Variants in ALDH1L1 observed in about 807,000 individuals in gnomAD.
ALDH1L1 encodes aldehyde dehydrogenase 1 family member L1.
ALDH1L1 carries 68 observed loss-of-function variants against 101.1 expected under a neutral mutation model. The ratio of observed to expected loss-of-function variants is 0.67; its 90% CI spans 0.55 to 0.82. The LOEUF is 0.82. ALDH1L1 is among the 40% of genes least tolerant of loss of function. ALDH1L1 has a pLI of 0.00. For synonymous variants in ALDH1L1, 486 were observed against 470.8 expected (o/e 1.03, Z -0.42); for missense variants, 1,087 against 1,172.7 (o/e 0.93, Z 1.07).
chr3:126,157,482 C>T lies in ALDH1L1; in HGVS notation c.389G>A (p.Gly130Glu). 1 of 1,614,046 alleles carries T rather than the reference C, an allele frequency of 6.2e-7. No homozygotes were observed. The highest frequency in any genetic ancestry group is 1.1e-5 in the South Asian group (1 of 91,048). The change falls in exon 4 of 23, where the codon GGG (glycine) becomes GAG (glutamate). Residue 130 changes from glycine to glutamate, a missense_variant. By Grantham distance (98) the Gly-to-Glu change is moderately conservative. Coordinates refer to ENST00000393434, the MANE Select transcript of ALDH1L1 (RefSeq NM_012190.4). The stretch of plus-strand genomic sequence containing the variant: ...ATCCGCCCAGAAGATGGAAAACCCC[C>T]CTTTCTTATCTCCGTGAATGAGGGT... ...NWTLIHGDKK[G>E]GFSIFWADDG...
intron 1 of ALDH1L1, among the ~76,000 whole-genome samples, chr3:126,166,645 C>A (rs547097005): frequency 4.0e-5 from 6 of 151,870 alleles, no homozygotes; most frequent in Admixed American, 2.0e-4. Context: ...CCATGTTTTT[C>A]AAAATAAATT....
intron 11 of ALDH1L1, 104 bp downstream of exon 11, chr3:126,136,660 A>G: frequency 2.0e-6 from 3 of 1,497,688 alleles, no homozygotes; most frequent in Non-Finnish European, 2.7e-6. Context: ...CACATGTCCA[A>G]GCAGAGACTC....
chr3:126,130,331 G>A, intron 13 of ALDH1L1, 38 bp from the exon 14 acceptor site: 1 of 1,547,880 alleles, frequency 6.5e-7, no homozygotes, highest in Non-Finnish European at 8.7e-7. Context: ...AGGGGCCCAG[G>A]GTCCACACCC....
chr3:126,113,227 C>A (rs764973696), intron 18 of ALDH1L1, among the ~76,000 whole-genome samples: 19 of 152,182 alleles, frequency 1.2e-4, no homozygotes, highest in Non-Finnish European at 2.4e-4. Context: ...CTCACTGGGG[C>A]GGCCCAGGAG....
At chr3:126,121,663 A>G (rs1339187003) in intron 16 of ALDH1L1, among the ~76,000 whole-genome samples, 2 of 152,224 alleles carry the variant, frequency 1.3e-5, no homozygotes, top group East Asian at 1.9e-4. Context: ...TTCTAAGGGC[A>G]TACGACAAAT....
At chr3:126,113,765 G>A (rs1190831179) in intron 18 of ALDH1L1, among the ~76,000 whole-genome samples, 2 of 152,208 alleles carry the variant, frequency 1.3e-5, no homozygotes, top group African/African-American at 2.4e-5. Flanking sequence ...GGCTGAACAT[G>A]GTCTTACTGG....
chr3:126,146,063 A>G lies in ALDH1L1; in HGVS notation c.1076+772T>C, dbSNP rs59878638. On this transcript the variant is annotated intron_variant, in intron 9 of 22. Coordinates refer to ENST00000393434, the MANE Select transcript of ALDH1L1 (RefSeq NM_012190.4). ...TAGAGGTCCACAGTGCCAAGCACATAGGCCCAACTCAGCCCACTCAGCCCC... is the reference window on the plus strand; with the variant it reads ...TAGAGGTCCACAGTGCCAAGCACATGGGCCCAACTCAGCCCACTCAGCCCC... Among the ~76,000 whole-genome samples, 1,054 of 152,238 alleles carry G rather than the reference A, an allele frequency of 6.9e-3. 8 individuals carry two copies. Among genetic ancestry groups the G allele is most frequent in the African/African-American group, 0.024 (982 of 41,540 alleles).
intron 14 of ALDH1L1, chr3:126,129,632 C>G (rs76145214): frequency 2.0e-5 from 3 of 152,360 alleles, no homozygotes; most frequent in Non-Finnish European, 4.4e-5. Context: ...TCCTCAGGCA[C>G]GCGTGTGAGT....
At chr3:126,151,141 A>G (rs115980060) in intron 7 of ALDH1L1, 1 of 152,312 alleles carries the variant, frequency 6.6e-6, no homozygotes, top group Non-Finnish European at 1.5e-5. Flanking sequence ...TTACTTCTAT[A>G]AAAAAGGATT....
intron 2 of ALDH1L1, chr3:126,159,453 C>A (rs891726675): frequency 4.4e-6 from 2 of 456,638 alleles, no homozygotes; most frequent in Admixed American, 4.7e-5. Context: ...CTTCAATACC[C>A]AAGGAACACT....
chr3:126,197,256 C>CT (rs1367874110), intron 1 of ALDH1L1, among the ~76,000 whole-genome samples: 1 of 152,172 alleles, frequency 6.6e-6, no homozygotes, highest in Non-Finnish European at 1.5e-5. Context: ...CCTCCCGGGC[C>CT]TAATGTATAA....
intron 1 of ALDH1L1, among the ~76,000 whole-genome samples, chr3:126,191,279 G>A (rs2081551958): frequency 6.6e-6 from 1 of 152,216 alleles, no homozygotes; most frequent in African/African-American, 2.4e-5. Context: ...TTGCGTAAAA[G>A]TTCATTCCCT....
Position 126,160,984 on chromosome 3 carries a change from G to A in ALDH1L1, c.-5C>T. On this transcript the variant is annotated 5_prime_UTR_variant, in exon 2 of 23. Coordinates refer to ENST00000393434, the MANE Select transcript of ALDH1L1 (RefSeq NM_012190.4). ...TCCAATCACTGCAATCTTCATGGTA[G>A]CAGGAGGGTTGGAAGGACCTGGAGA... 1 of 1,614,170 alleles carries A rather than the reference G, an allele frequency of 6.2e-7. No homozygotes were observed. The highest frequency in any genetic ancestry group is 1.3e-5 in the African/African-American group (1 of 75,052).
intron 2 of ALDH1L1, among the ~76,000 whole-genome samples, chr3:126,160,020 G>A (rs1263935760): frequency 6.6e-6 from 1 of 152,198 alleles, no homozygotes; most frequent in Non-Finnish European, 1.5e-5. Flanking sequence ...AGAAGGACCA[G>A]TCAGTGTTCC....
chr3:126,147,785 C>T lies in ALDH1L1; in HGVS notation c.985-859G>A, dbSNP rs551820929. ...CCCCAACCCCTGGCACAAGCACCCCCGGCTCTCCTCTTTCTTTCTTGGAAA... is the reference window on the plus strand; with the variant it reads ...CCCCAACCCCTGGCACAAGCACCCCTGGCTCTCCTCTTTCTTTCTTGGAAA... On this transcript the variant is annotated intron_variant, in intron 8 of 22. Transcript: ENST00000393434. Among the ~76,000 whole-genome samples the T allele has an allele frequency of 1.8e-4, 28 of 152,276 alleles. No homozygotes were observed. The South Asian group carries it at 2.3e-3, about 12-fold the overall frequency.
chr3:126,120,023 C>CT (rs2080047885), intron 16 of ALDH1L1, among the ~76,000 whole-genome samples: 1 of 152,252 alleles, frequency 6.6e-6, no homozygotes, highest in East Asian at 1.9e-4. Flanking sequence ...TCAGTCATTG[C>CT]TGCGGGAACG....
At position 126,160,137 on chromosome 3, in the gene ALDH1L1, G is replaced by C. The variant is rs16837181; in HGVS notation, c.127+716C>G. ...TGATTCTCAAAACGTGCTTTTCCTAGTACAAGAGATGCCAGTATCTCCCAG... is the reference window on the plus strand; with the variant it reads ...TGATTCTCAAAACGTGCTTTTCCTACTACAAGAGATGCCAGTATCTCCCAG... On this transcript the variant is annotated intron_variant, in intron 2 of 22. Transcript: ENST00000393434. 2,517 of 153,878 alleles carry C rather than the reference G, an allele frequency of 0.016. 117 individuals are homozygous for C. The East Asian group carries it at 0.19, about 12-fold the overall frequency. The allele number at this position is 153,878 out of a possible 1,614,324, so 9.5% of individuals were successfully genotyped here.
intron 9 of ALDH1L1, among the ~76,000 whole-genome samples, chr3:126,146,169 C>A (rs1461725631): frequency 6.6e-6 from 1 of 152,196 alleles, no homozygotes; most frequent in Non-Finnish European, 1.5e-5. Context: ...GAAGGTGCAG[C>A]ACCTGCTAGC....
At chr3:126,194,228 T>C (rs938996138) in intron 1 of ALDH1L1, among the ~76,000 whole-genome samples, 3 of 152,220 alleles carry the variant, frequency 2.0e-5, no homozygotes, top group Non-Finnish European at 4.4e-5. Flanking sequence ...AGAAATCCCA[T>C]ACAATTTTAG....
Sources: gnomAD v4.1 joint callset for allele counts (sites outside exome capture counted in the v4.1 genomes callset) on GRCh38, gnomAD v4.1.1 for gene constraint, MANE v1.5 for transcripts, NCBI Gene and HGNC (gene_info 2026-07-23, HGNC 2026-07-21) for gene names.